The following DPYD variants were observed in gnomAD, a reference collection of about 807,000 sequenced individuals.
The protein encoded by DPYD is dihydropyrimidine dehydrogenase.
In DPYD, 109 loss-of-function variants were observed where a neutral mutation model predicts 116.2. That is an observed-to-expected ratio of 0.94 (90% CI 0.80 to 1.10). The LOEUF (loss-of-function observed/expected upper bound fraction) is 1.10. Ranked by LOEUF, DPYD falls within the 50% of genes least tolerant of loss-of-function variation. DPYD has a pLI of 0.00. For synonymous variants in DPYD, 440 were observed against 432.0 expected, an observed-to-expected ratio of 1.02 and a Z score of -0.23; for missense variants, 1,302 against 1,254.5, an observed-to-expected ratio of 1.04 and a Z score of -0.57.
chr1:97,307,440 T>C (rs1001306539), intron 16 of DPYD, among the ~76,000 whole-genome samples: 2 of 151,860 alleles, frequency 1.3e-5, no homozygotes, highest in African/African-American at 4.8e-5. Flanking sequence ...TGTAATGTTA[T>C]AACCTTTAGA....
intron 19 of DPYD, among the ~76,000 whole-genome samples, chr1:97,217,805 T>A (rs1423624490): frequency 2.0e-5 from 3 of 152,192 alleles, no homozygotes; most frequent in Non-Finnish European, 4.4e-5. Flanking sequence ...GATGTGCCAA[T>A]CATTGTTGGA....
At chr1:97,220,731 T>C (rs964779394) in intron 19 of DPYD, among the ~76,000 whole-genome samples, 6 of 152,226 alleles carry the variant, frequency 3.9e-5, no homozygotes, top group Non-Finnish European at 8.8e-5. Context: ...TATCCCTCTA[T>C]GGTTTTTCCA....
intron 11 of DPYD, among the ~76,000 whole-genome samples, chr1:97,559,090 A>C (rs780485446): frequency 9.9e-5 from 15 of 152,124 alleles, no homozygotes; most frequent in Non-Finnish European, 1.9e-4. Context: ...TTCTATGCAC[A>C]TTTGGGTGCT....
chr1:97,711,456 G>C (rs537741524), intron 5 of DPYD, among the ~76,000 whole-genome samples: 1 of 152,022 alleles, frequency 6.6e-6, no homozygotes, highest in South Asian at 2.1e-4. Context: ...ATGAGTATTT[G>C]AAGTAAGTTT....
chr1:97,450,054 C>A lies in DPYD; in HGVS notation c.1905+5G>T, dbSNP rs373620536. On this transcript the variant is annotated splice_donor_5th_base_variant and intron_variant, in intron 14 of 22. Coordinates refer to ENST00000370192, the MANE Select transcript of DPYD (RefSeq NM_000110.4). ...CTCTTGTTTTAGATGTTAAATCACA[C>A]TTACGTTGTCTGGAAAGTCAGCCTT... 7.4e-6 allele frequency: 12 copies of A among 1,613,720 alleles called. No individual in the cohort carries two copies. The highest frequency in any genetic ancestry group is 1.3e-5 in the African/African-American group (1 of 74,906).
chr1:97,323,978 A>T (rs1668575282), intron 16 of DPYD, among the ~76,000 whole-genome samples: 1 of 151,902 alleles, frequency 6.6e-6, no homozygotes, highest in Non-Finnish European at 1.5e-5. Flanking sequence ...GCAACTGAAG[A>T]TCCAGCCCAA....
chr1:97,229,049 A>G (rs935105795), intron 19 of DPYD, among the ~76,000 whole-genome samples: 1 of 151,456 alleles, frequency 6.6e-6, no homozygotes, highest in Non-Finnish European at 1.5e-5. Flanking sequence ...TACACACACA[A>G]AAAAATTAGC....
chr1:97,447,014 C>A (rs1253266574), intron 14 of DPYD, among the ~76,000 whole-genome samples: 1 of 152,068 alleles, frequency 6.6e-6, no homozygotes. Context: ...ATAACTGTGA[C>A]AATTCAGAGA....
At chr1:97,615,047 A>G (rs1359867457) in intron 8 of DPYD, among the ~76,000 whole-genome samples, 2 of 152,166 alleles carry the variant, frequency 1.3e-5, no homozygotes, top group East Asian at 1.9e-4. Flanking sequence ...CTATTTGAAT[A>G]CTAGTGCTAA....
chr1:97,450,117 T>C lies in DPYD; in HGVS notation c.1847A>G (p.Lys616Arg). The change falls in exon 14 of 23, where the codon AAA becomes AGA. Residue 616 changes from lysine to arginine, a missense_variant. By Grantham distance (26) the Lys-to-Arg change is conservative. Transcript: ENST00000370192. ...ACTTTGACACCAATATGCAGCCGTT[T>C]TCTCACTGATGAGCTCAATATTCAG... ...SFLNIELISE[K>R]TAAYWCQSVT... 1 of 1,614,032 alleles carries C rather than the reference T, an allele frequency of 6.2e-7. No homozygotes were observed.
At chr1:97,724,332 G>C (rs1307387273) in intron 4 of DPYD, among the ~76,000 whole-genome samples, 1 of 140,758 alleles carries the variant, frequency 7.1e-6, no homozygotes, top group African/African-American at 2.6e-5. Context: ...GTGTGTGTGT[G>C]TGTGTGTGTG....
At chr1:97,467,773 T>A (rs183429727) in intron 13 of DPYD, among the ~76,000 whole-genome samples, 13 of 152,186 alleles carry the variant, frequency 8.5e-5, no homozygotes, top group Non-Finnish European at 1.3e-4. Context: ...TTTAGAAAAA[T>A]AGAAATCAGA....
At chr1:97,203,597 C>A (rs1291723051) in intron 19 of DPYD, among the ~76,000 whole-genome samples, 2 of 141,330 alleles carry the variant, frequency 1.4e-5, no homozygotes, top group African/African-American at 5.3e-5. Context: ...CCTGCACAAG[C>A]ACATGTACCC....
At chr1:97,417,547 A>G (rs934931978) in intron 14 of DPYD, among the ~76,000 whole-genome samples, 3 of 152,218 alleles carry the variant, frequency 2.0e-5, no homozygotes, top group Admixed American at 2.0e-4. Flanking sequence ...GATTGAAGGA[A>G]ATGTTCATTT....
At chr1:97,696,410 TG>T (rs1395980266) in intron 6 of DPYD, among the ~76,000 whole-genome samples, 2 of 152,132 alleles carry the variant, frequency 1.3e-5, no homozygotes, top group Non-Finnish European at 2.9e-5. Context: ...AGGGCAGATA[TG>T]GATTTTTAAG....
At chr1:97,687,886 AAC>A (rs1376137849) in intron 7 of DPYD, among the ~76,000 whole-genome samples, 2 of 152,222 alleles carry the variant, frequency 1.3e-5, no homozygotes, top group Non-Finnish European at 2.9e-5. Context: ...TGGAAAACCA[AAC>A]ACTGCATGAT....
At chr1:97,696,087 G>C (rs979646227) in intron 6 of DPYD, among the ~76,000 whole-genome samples, 1 of 149,274 alleles carries the variant, frequency 6.7e-6, no homozygotes, top group Non-Finnish European at 1.5e-5. Context: ...CCAAGATCTC[G>C]CCACTGCACT....
chr1:97,212,301 G>A (rs1190705044), intron 19 of DPYD, among the ~76,000 whole-genome samples: 1 of 151,948 alleles, frequency 6.6e-6, no homozygotes, highest in Non-Finnish European at 1.5e-5. Context: ...TCATAAAAAT[G>A]GAATTTTATA....
intron 12 of DPYD, among the ~76,000 whole-genome samples, chr1:97,526,923 A>G (rs1389736302): frequency 6.6e-6 from 1 of 152,140 alleles, no homozygotes; most frequent in Non-Finnish European, 1.5e-5. Context: ...TTTTTTAATC[A>G]CGATTTTTAA....
Sources: gnomAD v4.1 joint callset for allele counts (sites outside exome capture counted in the v4.1 genomes callset) on GRCh38, gnomAD v4.1.1 for gene constraint, MANE v1.5 for transcripts, NCBI Gene and HGNC (gene_info 2026-07-23, HGNC 2026-07-21) for gene names.